Variants in CMIP observed in about 807,000 individuals in gnomAD.
The protein encoded by CMIP is C-Maf-inducing protein.
CMIP carries 13 observed loss-of-function variants against 97.3 expected under a neutral mutation model. The observed-to-expected ratio is 0.13, with a 90% CI of 0.09 to 0.21. CMIP has a LOEUF of 0.21. Among genes scored for constraint, CMIP ranks in the 10% least tolerant of loss-of-function variants. CMIP has a pLI of 1.00. For missense variants in CMIP, 847 were observed against 1,024.9 expected (o/e 0.83, Z 2.37); for synonymous variants, 538 against 436.3 (o/e 1.23, Z -2.91).
Position 81,445,226 on chromosome 16 carries a change from C to G in CMIP, c.-16C>G. 2 of 1,503,676 alleles carry G rather than the reference C, an allele frequency of 1.3e-6. No individual in the cohort carries two copies. The highest frequency in any genetic ancestry group is 1.8e-6 in the Non-Finnish European group (2 of 1,129,690). The allele number at this position is 1,503,676 out of a possible 1,614,324, so 93.1% of individuals were successfully genotyped here. A position where few individuals can be genotyped will look rare whatever the true frequency, so the allele number is the denominator to read the frequency against. On this transcript the variant is annotated 5_prime_UTR_variant, in exon 1 of 21. Transcript: ENST00000537098. The stretch of plus-strand genomic sequence containing the variant: ...GCCCCCTCTCCCCGCCCCCAGCCCC[C>G]TCCCCCGGCGCGGCCATGGATGTGA...
intron 10 of CMIP, among the ~76,000 whole-genome samples, chr16:81,682,090 C>T (rs1176368832): frequency 6.6e-6 from 1 of 152,186 alleles, no homozygotes; most frequent in Admixed American, 6.5e-5. Context: ...GTAGTCCCAG[C>T]TACTCGGGAG....
intron 20 of CMIP, among the ~76,000 whole-genome samples, chr16:81,708,089 C>T (rs532938880): frequency 2.1e-4 from 32 of 152,356 alleles, no homozygotes; most frequent in Non-Finnish European, 4.3e-4. Flanking sequence ...AGTCCCCTTC[C>T]GGGGGATAGT....
chr16:81,664,308 G>C lies in CMIP; in HGVS notation c.784G>C (p.Val262Leu). 6.2e-7 allele frequency: 1 copy of C among 1,602,968 alleles called. No homozygotes were observed. The highest frequency in any genetic ancestry group is 8.5e-7 in the Non-Finnish European group (1 of 1,175,316). Reference sequence around the variant, plus strand: ...GCCCCGGTCCATGGTGGTCATCGAGGTGTTCACCCCCGTGGTGCAGCGAAT... The same window carrying C: ...GCCCCGGTCCATGGTGGTCATCGAGCTGTTCACCCCCGTGGTGCAGCGAAT... ...ERPRSMVVIE[V>L]FTPVVQRILK... is the part of the protein sequence containing the mutation. The change falls in exon 7 of 21, where the codon GTG becomes CTG. Residue 262 changes from valine to leucine, a missense_variant. Coordinates refer to ENST00000537098, the MANE Select transcript of CMIP (RefSeq NM_198390.3).
intron 3 of CMIP, among the ~76,000 whole-genome samples, chr16:81,634,068 C>T (rs894031763): frequency 6.6e-6 from 1 of 152,234 alleles, no homozygotes; most frequent in Non-Finnish European, 1.5e-5. Context: ...GTATCTGCAT[C>T]ACCTGGGAAC....
At chr16:81,687,852 C>T (rs949669416) in intron 10 of CMIP, among the ~76,000 whole-genome samples, 2 of 152,176 alleles carry the variant, frequency 1.3e-5, no homozygotes, top group African/African-American at 2.4e-5. Flanking sequence ...AGGAAACTCC[C>T]GAAGCTATTG....
chr16:81,682,598 A>C (rs1177435678), intron 10 of CMIP, among the ~76,000 whole-genome samples: 1 of 152,056 alleles, frequency 6.6e-6, no homozygotes, highest in African/African-American at 2.4e-5. Flanking sequence ...TTTATGTGGA[A>C]TTGAAGGGTC....
chr16:81,649,103 A>C (rs1387736496), intron 3 of CMIP, among the ~76,000 whole-genome samples: 2 of 152,174 alleles, frequency 1.3e-5, no homozygotes, highest in Non-Finnish European at 2.9e-5. Flanking sequence ...ACAAGCCCCC[A>C]ACTCATGGGA....
At chr16:81,604,321 G>A (rs1246482680) in intron 1 of CMIP, among the ~76,000 whole-genome samples, 1 of 150,876 alleles carries the variant, frequency 6.6e-6, no homozygotes, top group Non-Finnish European at 1.5e-5. Context: ...GCTTGAACCC[G>A]AGTGGCGGAA....
Position 81,670,027 on chromosome 16 carries a change from A to G in CMIP, c.826-115A>G, listed in dbSNP as rs557167113. 6.2e-5 allele frequency: 60 copies of G among 964,138 alleles called. 1 individual carries two copies. The South Asian group carries it at 9.8e-4, about 16-fold the overall frequency. The allele number at this position is 964,138 out of a possible 1,614,324, so 59.7% of individuals were successfully genotyped here. ...GGTTGGTGTCTCCCCATTGCCTTCC[A>G]CATCAACAGCTCCAGGCAGAGCTCG... On this transcript the variant is annotated intron_variant, in intron 7 of 20. Transcript: ENST00000537098.
intron 14 of CMIP, 67 bp downstream of exon 14, chr16:81,696,734 A>G: frequency 6.9e-7 from 1 of 1,440,096 alleles, no homozygotes; most frequent in East Asian, 2.3e-5. Flanking sequence ...TGACTAGTAA[A>G]ACAGCCGTCC....
intron 3 of CMIP, among the ~76,000 whole-genome samples, chr16:81,648,862 C>T (rs1180095002): frequency 6.7e-6 from 1 of 149,882 alleles, no homozygotes; most frequent in African/African-American, 2.5e-5. Context: ...ATGGCCAGCT[C>T]CCTCACTCTT....
intron 3 of CMIP, chr16:81,645,923 A>C (rs1314882509): frequency 2.3e-6 from 1 of 443,604 alleles, no homozygotes; most frequent in Non-Finnish European, 4.1e-6. Context: ...GGTGCAAGTA[A>C]TAGACTGTAA....
intron 1 of CMIP, among the ~76,000 whole-genome samples, chr16:81,454,907 G>A (rs887773284): frequency 5.9e-5 from 9 of 152,182 alleles, no homozygotes; most frequent in South Asian, 2.1e-4. Flanking sequence ...GTGGCAGGTC[G>A]GAGGTGGGAA....
At position 81,650,082 on chromosome 16, in the gene CMIP, A is replaced by G. The variant is rs544024287; in HGVS notation, c.478-2121A>G. 1.5e-3 allele frequency among the ~76,000 whole-genome samples: 234 copies of G among 152,324 alleles called. 1 individual carries two copies. The highest frequency in any genetic ancestry group is 5.2e-3 in the African/African-American group (216 of 41,572). ...CGCCTCAGTGGACTGGGTGCGTCTC[A>G]TCGTTAATGAAGTTCAGCCAGTAGT... is the stretch of plus-strand genomic sequence containing the variant. On this transcript the variant is annotated intron_variant, in intron 3 of 20. Transcript: ENST00000537098.
At chr16:81,547,295 A>G (rs369963481) in intron 1 of CMIP, among the ~76,000 whole-genome samples, 5 of 152,310 alleles carry the variant, frequency 3.3e-5, no homozygotes, top group African/African-American at 1.2e-4. Flanking sequence ...GGCCGAGGGC[A>G]TGGGGTGTGT....
intron 1 of CMIP, among the ~76,000 whole-genome samples, chr16:81,562,879 A>C (rs1567581384): frequency 6.6e-6 from 1 of 152,144 alleles, no homozygotes; most frequent in Non-Finnish European, 1.5e-5. Flanking sequence ...CAGGATTTGA[A>C]CTCAGGGCTT....
chr16:81,523,697 T>A (rs2090073723), intron 1 of CMIP, among the ~76,000 whole-genome samples: 1 of 152,220 alleles, frequency 6.6e-6, no homozygotes, highest in Non-Finnish European at 1.5e-5. Flanking sequence ...GGACAGCATC[T>A]TTTGTCTGGA....
intron 1 of CMIP, among the ~76,000 whole-genome samples, chr16:81,499,017 A>T (rs1049545456): frequency 6.6e-6 from 1 of 152,122 alleles, no homozygotes; most frequent in African/African-American, 2.4e-5. Flanking sequence ...CCCTATCAAC[A>T]CTAGGAGGTA....
At chr16:81,610,903 G>A (rs958837798) in intron 2 of CMIP, among the ~76,000 whole-genome samples, 8 of 152,088 alleles carry the variant, frequency 5.3e-5, no homozygotes, top group African/African-American at 4.8e-5. Context: ...CAGAGCCGTG[G>A]TGTCACAGAG....
Sources: allele counts gnomAD v4.1 joint callset (sites outside exome capture counted in the v4.1 genomes callset), GRCh38; gene constraint gnomAD v4.1.1; transcripts MANE v1.5; gene names NCBI Gene and HGNC (gene_info 2026-07-23, HGNC 2026-07-21).